Variants in SEMA3A observed in about 807,000 individuals in gnomAD.
SEMA3A encodes semaphorin 3A, also known as semaphorin-3A.
Under a neutral mutation model 97.9 loss-of-function variants are expected in SEMA3A, and 29 were observed. The observed-to-expected ratio is 0.30, with a 90% CI of 0.22 to 0.40. The LOEUF is 0.40. SEMA3A is among the 10% of genes least tolerant of loss of function. The probability of loss-of-function intolerance (pLI) is 1.00; values close to 1 mark genes in which losing one functional copy is unlikely to be tolerated. For missense variants in SEMA3A, 763 were observed against 951.3 expected (o/e 0.80, Z 2.60); for synonymous variants, 321 against 323.7 (o/e 0.99, Z 0.09).
At chr7:84,443,235 C>T (rs1204328574) in intron 1 of SEMA3A, among the ~76,000 whole-genome samples, 1 of 152,106 alleles carries the variant, frequency 6.6e-6, no homozygotes, top group African/African-American at 2.4e-5. Context: ...CAACAAATTA[C>T]ACCTCAGAAT....
intron 3 of SEMA3A, among the ~76,000 whole-genome samples, chr7:84,217,142 C>A (rs537100125): frequency 1.3e-5 from 2 of 152,094 alleles, no homozygotes; most frequent in Non-Finnish European, 2.9e-5. Flanking sequence ...TATTTTATAT[C>A]CTCCTGAAAC....
intron 1 of SEMA3A, among the ~76,000 whole-genome samples, chr7:84,490,986 G>A (rs1363877887): frequency 6.6e-6 from 1 of 152,110 alleles, no homozygotes; most frequent in Admixed American, 6.6e-5. Context: ...AAGAATGACT[G>A]TGAAACTCCG....
chr7:84,250,220 G>T (rs1428556598), intron 3 of SEMA3A, among the ~76,000 whole-genome samples: 3 of 150,172 alleles, frequency 2.0e-5, no homozygotes, highest in Non-Finnish European at 3.0e-5. Flanking sequence ...ATTACTTAGA[G>T]ATATATAAAA....
At chr7:84,064,160 A>G (rs1793379873) in intron 4 of SEMA3A, among the ~76,000 whole-genome samples, 1 of 152,124 alleles carries the variant, frequency 6.6e-6, no homozygotes, top group South Asian at 2.1e-4. Context: ...TTTCATATCC[A>G]TCCAAACTAA....
rs68037473 is a variant in SEMA3A at position 83,980,639 on chromosome 7, T to TACACAC, written c.1652+676_1652+681dup. Among the ~76,000 whole-genome samples, 306 of 88,372 alleles carry TACACAC rather than the reference T, an allele frequency of 3.5e-3. 3 individuals are homozygous for TACACAC. The East Asian group carries it at 0.055, about 16-fold the overall frequency. The allele number at this position is 88,372 out of a possible 152,430, so 58.0% of individuals were successfully genotyped here. ...AAAAAAAAAAATATATATATATATA[T>TACACAC]ACACACACACACACATATACATATA... On this transcript the variant is annotated intron_variant, in intron 14 of 16. Coordinates refer to ENST00000265362, the MANE Select transcript of SEMA3A (RefSeq NM_006080.3).
chr7:84,061,860 C>A (rs149856707), intron 4 of SEMA3A, among the ~76,000 whole-genome samples: 34 of 152,184 alleles, frequency 2.2e-4, no homozygotes, highest in African/African-American at 8.0e-4. Context: ...TGTCCTGTAC[C>A]AATGATATTT....
intron 3 of SEMA3A, among the ~76,000 whole-genome samples, chr7:84,215,038 A>G (rs1798715588): frequency 6.7e-6 from 1 of 149,470 alleles, no homozygotes; most frequent in Admixed American, 6.6e-5. Context: ...CGCCAGGCTA[A>G]TTTTTTGTAT....
Position 84,095,249 on chromosome 7 carries a change from A to T in SEMA3A, c.453+15221T>A, listed in dbSNP as rs1342721774. 8.9e-5 allele frequency among the ~76,000 whole-genome samples: 6 copies of T among 67,136 alleles called. No homozygotes were observed. In the South Asian group the frequency reaches 1.5e-3, roughly 17 times the overall value. The allele number at this position is 67,136 out of a possible 152,430, so 44.0% of individuals were successfully genotyped here. A position where few individuals can be genotyped will look rare whatever the true frequency, so the allele number is the denominator to read the frequency against. On this transcript the variant is annotated intron_variant, in intron 4 of 16. Coordinates refer to ENST00000265362, the MANE Select transcript of SEMA3A (RefSeq NM_006080.3). The stretch of plus-strand genomic sequence containing the variant: ...TTACATTATATATAAATATATGTTT[A>T]TATATTATTATATACCATTATTATG...
intron 1 of SEMA3A, among the ~76,000 whole-genome samples, chr7:84,408,420 T>C (rs1804165571): frequency 6.6e-6 from 1 of 151,166 alleles, no homozygotes; most frequent in South Asian, 2.1e-4. Flanking sequence ...TGTGGAGAAA[T>C]AGGAACACTT....
rs1788481364 is a variant in SEMA3A, at chr7:83,961,779, T to G, written c.1908A>C (p.Leu636=). The part of the protein sequence containing the change: ...HIIRTDQGLL[L]RSLQQKDSGN... ...CTGAATCCTTCTGTTGTAGACTACG[T>G]AGCAGAAGGCCTTGATCTGTCCTGA... The change falls in exon 17 of 17, where the codon CTA becomes CTC. Residue 636 remains leucine, a synonymous_variant. Coordinates refer to ENST00000265362, the MANE Select transcript of SEMA3A (RefSeq NM_006080.3). 8 of 1,613,796 alleles carry G rather than the reference T, an allele frequency of 5.0e-6. No homozygotes were observed. Among genetic ancestry groups the G allele is most frequent in the Non-Finnish European group, 6.8e-6 (8 of 1,179,868 alleles).
At chr7:84,239,849 C>G (rs1419368058) in intron 3 of SEMA3A, among the ~76,000 whole-genome samples, 1 of 151,960 alleles carries the variant, frequency 6.6e-6, no homozygotes, top group Non-Finnish European at 1.5e-5. Context: ...AAAGAATATT[C>G]TGATTTGAAA....
intron 3 of SEMA3A, among the ~76,000 whole-genome samples, chr7:84,230,339 A>G (rs1562862941): frequency 6.6e-6 from 1 of 151,916 alleles, no homozygotes; most frequent in African/African-American, 2.4e-5. Context: ...ATATTCTGAT[A>G]TTTTTTAAAT....
At chr7:84,151,133 AT>A (rs1321842840) in intron 1 of SEMA3A, among the ~76,000 whole-genome samples, 3 of 150,498 alleles carry the variant, frequency 2.0e-5, no homozygotes, top group African/African-American at 4.8e-5. Context: ...AACCACAAAG[AT>A]GGGGAAAAAA....
chr7:84,294,973 C>T (rs1800832886), intron 3 of SEMA3A, among the ~76,000 whole-genome samples: 1 of 152,028 alleles, frequency 6.6e-6, no homozygotes, highest in African/African-American at 2.4e-5. Context: ...GCCCTTCTTT[C>T]CTGCTGCTCT....
At chr7:84,059,663 G>C (rs1793136271) in intron 5 of SEMA3A, among the ~76,000 whole-genome samples, 1 of 151,222 alleles carries the variant, frequency 6.6e-6, no homozygotes, top group Non-Finnish European at 1.5e-5. Context: ...AAAACAAAAA[G>C]GTACATAATT....
chr7:83,977,279 A>AATAT (rs150425956), intron 14 of SEMA3A, 83 bp from the exon 15 acceptor site: 117 of 600,666 alleles, frequency 1.9e-4, no homozygotes, highest in African/African-American at 5.1e-4. Context: ...AGAGAAATAA[A>AATAT]ATATATATAT....
At chr7:83,976,412 T>A (rs377633616) in intron 15 of SEMA3A, among the ~76,000 whole-genome samples, 6 of 152,256 alleles carry the variant, frequency 3.9e-5, no homozygotes, top group African/African-American at 1.4e-4. Flanking sequence ...TTGTCATTGA[T>A]AAGTTCCCCC....
intron 3 of SEMA3A, among the ~76,000 whole-genome samples, chr7:84,280,362 A>G (rs977271496): frequency 1.3e-5 from 2 of 152,202 alleles, no homozygotes; most frequent in East Asian, 3.8e-4. Flanking sequence ...AGCTTGTTGT[A>G]AAAGACCACT....
At position 84,067,406 on chromosome 7, in the gene SEMA3A, G is replaced by T. The variant is rs1234093953; in HGVS notation, c.454-6848C>A. ...AACACCAAAAGCCATGGCAACAAAA[G>T]CCAAAATTGACAAATGGGATCTAAT... On this transcript the variant is annotated intron_variant, in intron 4 of 16. Transcript: ENST00000265362. 3.2e-4 allele frequency among the ~76,000 whole-genome samples: 48 copies of T among 152,170 alleles called. No homozygotes were observed. In the East Asian group the frequency reaches 8.9e-3, roughly 28 times the overall value.
Sources: allele counts gnomAD v4.1 joint callset (sites outside exome capture counted in the v4.1 genomes callset), GRCh38; gene constraint gnomAD v4.1.1; transcripts MANE v1.5; gene names NCBI Gene and HGNC (gene_info 2026-07-23, HGNC 2026-07-21).